The following BCKDHB variants were observed in gnomAD, a reference collection of about 807,000 sequenced individuals.
The protein encoded by BCKDHB is branched chain keto acid dehydrogenase E1 subunit beta, also known as 2-oxoisovalerate dehydrogenase subunit beta, mitochondrial.
In BCKDHB, 41 loss-of-function variants were observed where a neutral mutation model predicts 48.5. That is an observed-to-expected ratio of 0.85 (90% confidence interval 0.66 to 1.10). BCKDHB has a LOEUF of 1.10. Among genes scored for constraint, BCKDHB ranks in the 50% least tolerant of loss-of-function variants. BCKDHB has a pLI of 0.00. For synonymous variants in BCKDHB, 201 were observed against 174.8 expected (o/e 1.15, Z -1.18); for missense variants, 496 against 494.2 (o/e 1.00, Z -0.03).
At chr6:80,256,682 G>T (rs769746329) in intron 8 of BCKDHB, among the ~76,000 whole-genome samples, 17 of 151,914 alleles carry the variant, frequency 1.1e-4, no homozygotes, top group Non-Finnish European at 2.4e-4. Context: ...TTCTTCTTTG[G>T]TTCAGTTGCA....
At chr6:80,123,302 A>G (rs1770145254) in intron 1 of BCKDHB, among the ~76,000 whole-genome samples, 1 of 152,234 alleles carries the variant, frequency 6.6e-6, no homozygotes, top group Non-Finnish European at 1.5e-5. Flanking sequence ...GCTTACGAAG[A>G]TAACAGAATT....
chr6:80,108,865 A>C (rs888295762), intron 1 of BCKDHB, among the ~76,000 whole-genome samples: 1 of 152,142 alleles, frequency 6.6e-6, no homozygotes, highest in Non-Finnish European at 1.5e-5. Context: ...TCTCAAAAAA[A>C]CCCCAAAAAA....
intron 9 of BCKDHB, among the ~76,000 whole-genome samples, chr6:80,328,177 C>T (rs910935060): frequency 1.3e-5 from 2 of 152,132 alleles, no homozygotes; most frequent in African/African-American, 2.4e-5. Flanking sequence ...CTAGATTTTG[C>T]AGGTAAACTT....
At chr6:80,346,752 T>C (rs755534262), downstream of BCKDHB, among the ~76,000 whole-genome samples, 10 of 152,218 alleles carry the variant, frequency 6.6e-5, no homozygotes, top group South Asian at 2.1e-4. Context: ...AACCTCCTTA[T>C]TGGGGACATT....
At chr6:80,238,633 G>T (rs147402051) in intron 8 of BCKDHB, among the ~76,000 whole-genome samples, 2 of 149,972 alleles carry the variant, frequency 1.3e-5, no homozygotes, top group African/African-American at 4.9e-5. Context: ...TAAGTTCTAC[G>T]GTACATGTGC....
chr6:80,428,709 A>G, the BCKDHB span, among the ~76,000 whole-genome samples: 1 of 151,770 alleles, frequency 6.6e-6, no homozygotes, highest in African/African-American at 2.4e-5. Flanking sequence ...CCACTTTTTG[A>G]TGGGGTTGTT....
intron 9 of BCKDHB, among the ~76,000 whole-genome samples, chr6:80,305,182 T>C (rs972605453): frequency 6.6e-6 from 1 of 152,110 alleles, no homozygotes; most frequent in African/African-American, 2.4e-5. Flanking sequence ...TCAATACAAA[T>C]TGAAAATAAA....
chr6:80,378,600 T>A, the BCKDHB span, among the ~76,000 whole-genome samples: 1 of 152,096 alleles, frequency 6.6e-6, no homozygotes, highest in Non-Finnish European at 1.5e-5. Context: ...GATGAACATA[T>A]GAGTGCAGGT....
the BCKDHB span, among the ~76,000 whole-genome samples, chr6:80,410,980 T>G: frequency 1.3e-5 from 2 of 152,350 alleles, no homozygotes; most frequent in Middle Eastern, 3.4e-3. Flanking sequence ...TCCAGTTTTG[T>G]TCCATTGCTG....
chr6:80,305,693 A>G (rs1005811129), intron 9 of BCKDHB, among the ~76,000 whole-genome samples: 1 of 152,160 alleles, frequency 6.6e-6, no homozygotes, highest in Non-Finnish European at 1.5e-5. Context: ...CCCCACATGT[A>G]GATGTTGTGG....
intron 9 of BCKDHB, among the ~76,000 whole-genome samples, chr6:80,292,976 A>G (rs557087962): frequency 1.4e-4 from 21 of 152,336 alleles, no homozygotes; most frequent in Admixed American, 3.9e-4. Context: ...GTGGGTTCCC[A>G]TGGTCTTGGG....
chr6:80,134,600 A>G (rs1295770725), intron 3 of BCKDHB, among the ~76,000 whole-genome samples: 1 of 152,004 alleles, frequency 6.6e-6, no homozygotes, highest in African/African-American at 2.4e-5. Context: ...AAAAAGAGGA[A>G]CACAGTTTTT....
At chr6:80,431,486 T>G in the BCKDHB span, among the ~76,000 whole-genome samples, 1 of 152,198 alleles carries the variant, frequency 6.6e-6, no homozygotes, top group Non-Finnish European at 1.5e-5. Context: ...AGAACTTGCT[T>G]TATGAATCTG....
intron 8 of BCKDHB, among the ~76,000 whole-genome samples, chr6:80,220,303 TG>T (rs1227118495): frequency 7.8e-6 from 1 of 128,320 alleles, no homozygotes; most frequent in Non-Finnish European, 1.7e-5. Flanking sequence ...TCATGCTATT[TG>T]TTTTTTTTTT....
At chr6:80,139,592 T>G (rs1250819056) in intron 3 of BCKDHB, among the ~76,000 whole-genome samples, 2 of 151,806 alleles carry the variant, frequency 1.3e-5, no homozygotes, top group Admixed American at 1.3e-4. Flanking sequence ...TTTCTCAGGT[T>G]TGTCAAAGAT....
the BCKDHB span, among the ~76,000 whole-genome samples, chr6:80,415,562 A>G: frequency 6.6e-6 from 1 of 152,138 alleles, no homozygotes; most frequent in Non-Finnish European, 1.5e-5. Flanking sequence ...TATTCATGTG[A>G]TGAATCACAT....
At chr6:80,257,433 CATATAT>C (rs58367109) in intron 8 of BCKDHB, among the ~76,000 whole-genome samples, 11 of 146,800 alleles carry the variant, frequency 7.5e-5, no homozygotes, top group Admixed American at 2.7e-4. Context: ...CTTAAAGATA[CATATAT>C]ATATATATAT....
At chr6:80,135,605 T>C (rs889081608) in intron 3 of BCKDHB, among the ~76,000 whole-genome samples, 1 of 152,202 alleles carries the variant, frequency 6.6e-6, no homozygotes, top group East Asian at 1.9e-4. Flanking sequence ...TAGATGAACA[T>C]GTTTAATATG....
intron 9 of BCKDHB, among the ~76,000 whole-genome samples, chr6:80,302,096 A>G (rs1373117259): frequency 1.3e-5 from 2 of 152,186 alleles, no homozygotes; most frequent in Non-Finnish European, 2.9e-5. Context: ...GAACAAGACA[A>G]GGATACCCAC....
Sources: allele counts gnomAD v4.1 joint callset (sites outside exome capture counted in the v4.1 genomes callset), GRCh38; gene constraint gnomAD v4.1.1; transcripts MANE v1.5; gene names NCBI Gene and HGNC (gene_info 2026-07-23, HGNC 2026-07-21).